CD8B2: variants seen among roughly 807,000 people sequenced by gnomAD.
CD8B2 encodes the protein CD8B family member 2.
CD8B2 carries 11 observed loss-of-function variants against 23.7 expected under a neutral mutation model. The ratio of observed to expected loss-of-function variants is 0.46; its 90% CI spans 0.29 to 0.77. The LOEUF is 0.77. Among genes scored for constraint, CD8B2 ranks in the 30% least tolerant of loss-of-function variants. The pLI is 0.09. For missense variants in CD8B2, 197 were observed against 270.5 expected, an observed-to-expected ratio of 0.73 and a Z score of 1.91; for synonymous variants, 90 against 109.3, an observed-to-expected ratio of 0.82 and a Z score of 1.10.
chr2:106,491,158 G>A lies in CD8B2; in HGVS notation c.328G>A (p.Asp110Asn), dbSNP rs1394036139. ...CAATCTCACAAGCGTGAAGCCGGAG[G>A]ACAGTGGCATCTACTTCTGCATGAT... is the stretch of plus-strand genomic sequence containing the variant. ...ILNLTSVKPEDSGIYFCMIVG... is the reference protein window; with the variant it reads ...ILNLTSVKPENSGIYFCMIVG... The change falls in exon 2 of 6, where the codon GAC (aspartate) becomes AAC (asparagine). Residue 110 changes from aspartate (D) to asparagine (N), a missense_variant. Around this residue, in one of 3 missense-constraint regions of CD8B2, gnomAD observed 140 missense variants for 164.2 expected, o/e 0.85. Transcript: ENST00000643224. The A allele has an allele frequency of 3.7e-6, 6 of 1,613,864 alleles. No homozygotes were observed. The highest frequency in any genetic ancestry group is 5.1e-6 in the Non-Finnish European group (6 of 1,179,852).
chr2:106,501,276 G>A (rs1233930095), intron 3 of CD8B2, among the ~76,000 whole-genome samples: 1 of 152,060 alleles, frequency 6.6e-6, no homozygotes, highest in East Asian at 1.9e-4. Context: ...ATGTTACTCT[G>A]CTGGAAGAAA....
At chr2:106,503,436 T>C (rs1427150053) in intron 4 of CD8B2, among the ~76,000 whole-genome samples, 5 of 152,126 alleles carry the variant, frequency 3.3e-5, no homozygotes, top group Admixed American at 3.3e-4. Context: ...GAGGGGCCCA[T>C]GTACCCCATT....
intron 5 of CD8B2, among the ~76,000 whole-genome samples, chr2:106,516,201 C>T (rs1419163224): frequency 6.6e-6 from 1 of 152,182 alleles, no homozygotes; most frequent in Non-Finnish European, 1.5e-5. Flanking sequence ...CCGCCAGCAT[C>T]TCACTTCTGT....
At chr2:106,531,888 C>T (rs1474278665) in intron 5 of CD8B2, among the ~76,000 whole-genome samples, 1 of 152,212 alleles carries the variant, frequency 6.6e-6, no homozygotes. Context: ...ATTCCAGTCT[C>T]CCCAGGCCTT....
chr2:106,517,766 G>T (rs1351313143), intron 5 of CD8B2, among the ~76,000 whole-genome samples: 6 of 151,704 alleles, frequency 4.0e-5, no homozygotes, highest in Non-Finnish European at 8.8e-5. Context: ...AGGCTGGAGT[G>T]CAGTGGCGCG....
chr2:106,516,587 G>A (rs59648156), intron 5 of CD8B2, among the ~76,000 whole-genome samples: 20,826 of 152,108 alleles, frequency 0.14, 2,196 homozygotes, highest in East Asian at 0.62. Context: ...ATTGTCTTCC[G>A]GAGTGGCTGT....
chr2:106,533,837 A>G (rs938654625), intron 5 of CD8B2, among the ~76,000 whole-genome samples: 1 of 152,170 alleles, frequency 6.6e-6, no homozygotes, highest in African/African-American at 2.4e-5. Flanking sequence ...ATGTTCCCCA[A>G]AGGAAAGGCT....
At chr2:106,520,078 A>C (rs1327141185) in intron 5 of CD8B2, among the ~76,000 whole-genome samples, 1 of 152,118 alleles carries the variant, frequency 6.6e-6, no homozygotes, top group Non-Finnish European at 1.5e-5. Flanking sequence ...GTGTAGACCA[A>C]CTTCAGTGTG....
chr2:106,526,111 A>G lies in CD8B2; in HGVS notation c.621-17881A>G, dbSNP rs1178956067. 2.6e-5 allele frequency among the ~76,000 whole-genome samples: 4 copies of G among 152,204 alleles called. No individual in the cohort carries two copies. In the East Asian group the frequency reaches 5.8e-4, roughly 22 times the overall value. ...AAAAAAATTAGCCACGTGTGGCGGC[A>G]TGCATCCGTAGTCCCAGCTATTCGG... On this transcript the variant is annotated intron_variant, in intron 5 of 5. Coordinates refer to the CD8B2 transcript ENST00000416057.
At chr2:106,542,693 TATATA>T (rs1372440825) in intron 5 of CD8B2, among the ~76,000 whole-genome samples, 37 of 147,890 alleles carry the variant, frequency 2.5e-4, no homozygotes, top group Non-Finnish European at 4.5e-5. Flanking sequence ...ATATATGAAA[TATATA>T]TTATATATGA....
rs549480790 is a variant in CD8B2 at position 106,489,892 on chromosome 2, C to T, written c.44-982C>T. ...CTGGCCTGAGGTCTCACAGCTGGCA[C>T]GGCCAGAGGCTGGGTTCTGGGCCGG... On this transcript the variant is annotated intron_variant, in intron 1 of 5. Coordinates refer to ENST00000643224, the MANE Select transcript of CD8B2 (RefSeq NM_001349727.2). Among the ~76,000 whole-genome samples the T allele has an allele frequency of 1.6e-4, 25 of 152,260 alleles. No individual in the cohort carries two copies. The South Asian group carries it at 4.6e-3, about 28-fold the overall frequency.
intron 5 of CD8B2, among the ~76,000 whole-genome samples, chr2:106,532,197 T>A (rs576886539): frequency 6.6e-6 from 1 of 152,348 alleles, no homozygotes; most frequent in African/African-American, 2.4e-5. Flanking sequence ...TTTGAATCTT[T>A]AGTAGAATCC....
intron 5 of CD8B2, chr2:106,521,794 C>T (rs954927220): frequency 2.0e-5 from 3 of 152,250 alleles, no homozygotes; most frequent in Admixed American, 2.0e-4. Flanking sequence ...GGAAAGATAA[C>T]TCTAGTCCTA....
In CD8B2 at chr2:106,510,403, T is replaced by C. The variant is rs1297273698; in HGVS notation, c.*3463T>C. The stretch of plus-strand genomic sequence containing the variant: ...TTTTTAAAATCCAAGTACAGAACAT[T>C]GTAGAACCGTGTAAAATTGGTATTT... On this transcript the variant is annotated 3_prime_UTR_variant, in exon 6 of 6. Coordinates refer to ENST00000643224, the MANE Select transcript of CD8B2 (RefSeq NM_001349727.2). 1.3e-4 allele frequency: 20 copies of C among 152,308 alleles called. No individual in the cohort carries two copies. Among genetic ancestry groups the C allele is most frequent in the African/African-American group, 3.4e-4 (14 of 41,570 alleles). 9.4% of individuals were successfully genotyped at this position (152,308 alleles called of 1,614,324 possible).
intron 5 of CD8B2, among the ~76,000 whole-genome samples, chr2:106,533,968 T>A (rs930956970): frequency 5.9e-5 from 9 of 152,248 alleles, no homozygotes; most frequent in African/African-American, 2.2e-4. Context: ...GAATTACAGC[T>A]AATCTTCACT....
rs1471331952 is a variant in CD8B2 at position 106,491,208 on chromosome 2, C to T, written c.378C>T (p.Phe126=). 1.6e-5 allele frequency: 26 copies of T among 1,603,478 alleles called. No homozygotes were observed. Among genetic ancestry groups the T allele is most frequent in the East Asian group, 1.1e-4 (5 of 44,824 alleles). The change falls in exon 2 of 6, where the codon TTC becomes TTT. Residue 126 remains phenylalanine, a synonymous_variant. Coordinates refer to ENST00000643224, the MANE Select transcript of CD8B2 (RefSeq NM_001349727.2). ...CMIVGSPELT[F]GKGTQLSVVD... is the part of the protein sequence containing the mutation. Reference sequence around the variant, plus strand: ...TCGTCGGGAGCCCCGAGCTGACCTTCGGGAAGGGAACTCAGCTGAGTGTGG... The same window carrying T: ...TCGTCGGGAGCCCCGAGCTGACCTTTGGGAAGGGAACTCAGCTGAGTGTGG...
intron 5 of CD8B2, among the ~76,000 whole-genome samples, chr2:106,518,669 T>A (rs376872534): frequency 1.3e-5 from 2 of 152,262 alleles, no homozygotes; most frequent in East Asian, 1.9e-4. Context: ...CATCCATGTA[T>A]CCATTCACCA....
chr2:106,505,971 A>G (rs1402970844), intron 5 of CD8B2, among the ~76,000 whole-genome samples: 1 of 152,060 alleles, frequency 6.6e-6, no homozygotes, highest in Non-Finnish European at 1.5e-5. Flanking sequence ...ATCTCTACTA[A>G]AAATACAAAA....
downstream of CD8B2, among the ~76,000 whole-genome samples, chr2:106,512,525 G>C (rs373089618): frequency 6.1e-3 from 932 of 151,992 alleles, 10 homozygotes; most frequent in African/African-American, 0.021. Context: ...TGTGCAGTGG[G>C]GCCATCATGG....
Sources: allele counts gnomAD v4.1 joint callset (sites outside exome capture counted in the v4.1 genomes callset), GRCh38; gene constraint gnomAD v4.1.1; regional missense constraint gnomAD v4.1.1; transcripts MANE v1.5; gene names NCBI Gene and HGNC (gene_info 2026-07-23, HGNC 2026-07-21).